The following PTPRN2 variants were observed in gnomAD, a reference collection of about 807,000 sequenced individuals.
PTPRN2 encodes receptor-type tyrosine-protein phosphatase N2.
Under a neutral mutation model 118.8 loss-of-function variants are expected in PTPRN2, and 74 were observed. That is an observed-to-expected ratio of 0.62 (90% CI 0.52 to 0.76). PTPRN2 has a LOEUF of 0.76. PTPRN2 is among the 30% of genes least tolerant of loss of function. The pLI is 0.00. For missense variants in PTPRN2, 1,481 were observed against 1,394.4 expected (o/e 1.06, Z -0.99); for synonymous variants, 641 against 608.0 (o/e 1.05, Z -0.80).
chr7:157,810,637 G>T (rs551686280), intron 12 of PTPRN2, among the ~76,000 whole-genome samples: 1 of 137,540 alleles, frequency 7.3e-6, no homozygotes, highest in African/African-American at 2.9e-5. Context: ...CATGGGGACG[G>T]GGACGGGAAC....
At chr7:158,376,660 C>T (rs1196946890) in intron 2 of PTPRN2, among the ~76,000 whole-genome samples, 3 of 72,592 alleles carry the variant, frequency 4.1e-5, no homozygotes, top group Non-Finnish European at 7.5e-5. Context: ...GTCCTGCATG[C>T]GGGGTCAGGG....
intron 3 of PTPRN2, among the ~76,000 whole-genome samples, chr7:158,263,784 A>G (rs543398791): frequency 6.6e-6 from 1 of 152,314 alleles, no homozygotes; most frequent in South Asian, 2.1e-4. Context: ...ACCTCCTGCC[A>G]GTTGTGGACA....
chr7:157,787,986 G>T lies in PTPRN2; in HGVS notation c.1789-105049C>A, dbSNP rs968878678. Among the ~76,000 whole-genome samples the T allele has an allele frequency of 6.6e-6, 1 of 152,220 alleles. No homozygotes were observed. The highest frequency in any genetic ancestry group is 2.4e-5 in the African/African-American group (1 of 41,450). Reference sequence around the variant, plus strand: ...GTCCCCTGGGAACCACGCAGCCGGGGCCTGGAGGCCGACACAAGCCAGACC... The same window carrying T: ...GTCCCCTGGGAACCACGCAGCCGGGTCCTGGAGGCCGACACAAGCCAGACC... On this transcript the variant is annotated intron_variant, in intron 12 of 22. Coordinates refer to ENST00000389418, the MANE Select transcript of PTPRN2 (RefSeq NM_002847.5). The surrounding 1 kb of genome is among the most constrained non-coding windows in gnomAD (Gnocchi z 5.3).
intron 12 of PTPRN2, among the ~76,000 whole-genome samples, chr7:157,741,413 C>T (rs10949662): frequency 0.29 from 44,851 of 152,098 alleles, 6,784 homozygotes; most frequent in Non-Finnish European, 0.34. Context: ...TGCTCTTAGT[C>T]CCCCACTGAA....
intron 13 of PTPRN2, among the ~76,000 whole-genome samples, chr7:157,661,500 C>T (rs1198470793): frequency 6.6e-6 from 1 of 152,240 alleles, no homozygotes; most frequent in South Asian, 2.1e-4. Context: ...CGGCGCTGCT[C>T]CGCTCTGAAC....
chr7:158,387,315 C>A (rs1307965459), intron 2 of PTPRN2, among the ~76,000 whole-genome samples: 2 of 152,172 alleles, frequency 1.3e-5, no homozygotes. Flanking sequence ...CATCTGCAAG[C>A]CAAATAGGTC....
At chr7:158,375,322 C>T (rs1810413790) in intron 2 of PTPRN2, among the ~76,000 whole-genome samples, 4 of 152,194 alleles carry the variant, frequency 2.6e-5, no homozygotes, top group African/African-American at 9.7e-5. Flanking sequence ...ACAGAGTACC[C>T]AGGACACAGG....
chr7:158,341,402 T>C (rs62493632), intron 2 of PTPRN2, among the ~76,000 whole-genome samples: 37 of 97,102 alleles, frequency 3.8e-4, no homozygotes, highest in African/African-American at 1.3e-3. Context: ...CCATAAGAGC[T>C]GTCGCCCGCA....
intron 12 of PTPRN2, among the ~76,000 whole-genome samples, chr7:157,846,792 G>A (rs550854483): frequency 8.0e-5 from 12 of 150,532 alleles, no homozygotes; most frequent in East Asian, 2.0e-4. Context: ...TCCATCATGC[G>A]TGCCCGATAT....
At chr7:157,815,375 C>T (rs1806330614) in intron 12 of PTPRN2, among the ~76,000 whole-genome samples, 1 of 152,180 alleles carries the variant, frequency 6.6e-6, no homozygotes, top group Admixed American at 6.5e-5. Flanking sequence ...GGCCTCCGCG[C>T]ATCAGTGTGG....
intron 21 of PTPRN2, among the ~76,000 whole-genome samples, chr7:157,552,842 C>T (rs1798700882): frequency 6.6e-6 from 1 of 152,180 alleles, no homozygotes; most frequent in Non-Finnish European, 1.5e-5. Flanking sequence ...GCTGGATGGG[C>T]CAGCCTCACC....
intron 12 of PTPRN2, among the ~76,000 whole-genome samples, chr7:157,858,077 A>AGCCACCACCCACACTCCTGCAGGGAGAG (rs1809873387): frequency 3.5e-5 from 3 of 85,290 alleles, no homozygotes; most frequent in Admixed American, 1.1e-4. Context: ...TGCAGGGAGA[A>AGCCACCACCCACACTCCTGCAGGGAGAG]CCCCGTCACC....
chr7:158,134,070 G>T lies in PTPRN2; in HGVS notation c.1174-11C>A. On this transcript the variant is annotated splice_polypyrimidine_tract_variant and intron_variant, in intron 8 of 22. Transcript: ENST00000389418. ...ACTCAGACGATGGACCTGACAGAGA[G>T]GACATTCCGTGAGGGACGTCTGCGA... The T allele has an allele frequency of 6.2e-7, 1 of 1,608,124 alleles. No individual in the cohort carries two copies. Among genetic ancestry groups the T allele is most frequent in the South Asian group, 1.1e-5 (1 of 90,678 alleles).
At chr7:158,207,439 ATTGACAAAT>A (rs1827244699) in intron 3 of PTPRN2, among the ~76,000 whole-genome samples, 1 of 152,304 alleles carries the variant, frequency 6.6e-6, no homozygotes, top group Non-Finnish European at 1.5e-5. Context: ...AAAAGACAAA[ATTGACAAAT>A]GGGATCTAAT....
intron 1 of PTPRN2, among the ~76,000 whole-genome samples, chr7:158,583,227 T>C (rs1177179585): frequency 6.6e-6 from 1 of 152,328 alleles, no homozygotes; most frequent in East Asian, 1.9e-4. Context: ...AAATGATCAG[T>C]GTTACCACAG....
intron 6 of PTPRN2, among the ~76,000 whole-genome samples, chr7:158,147,279 C>G (rs71544538): frequency 9.0e-6 from 1 of 111,516 alleles, no homozygotes; most frequent in Non-Finnish European, 1.9e-5. Flanking sequence ...TCTCACGCCA[C>G]GTGTCTTTCC....
rs549734377 is a variant in PTPRN2, at chr7:158,099,936, ATTTATT to A, written c.1643+10887_1643+10892del. 3.4e-3 allele frequency among the ~76,000 whole-genome samples: 492 copies of A among 143,208 alleles called. 2 individuals carry two copies. The highest frequency in any genetic ancestry group is 0.012 in the African/African-American group (465 of 38,094). The allele number at this position is 143,208 out of a possible 152,430, so 94.0% of individuals were successfully genotyped here. ...CATGAAATAAACTTATTCCTTCTTT[ATTTATT>A]TTTATTTTCCATAGGTTTTGGGAAC... On this transcript the variant is annotated intron_variant, in intron 10 of 22. Transcript: ENST00000389418.
chr7:158,319,012 C>A (rs910239218), intron 2 of PTPRN2, among the ~76,000 whole-genome samples: 5 of 152,224 alleles, frequency 3.3e-5, no homozygotes, highest in African/African-American at 1.2e-4. Flanking sequence ...CCAAGCAAAG[C>A]ATTTCTCAAG....
chr7:158,461,521 T>C (rs377523235), intron 2 of PTPRN2, among the ~76,000 whole-genome samples: 1 of 151,712 alleles, frequency 6.6e-6, no homozygotes, highest in Non-Finnish European at 1.5e-5. Flanking sequence ...TCTTACAGCA[T>C]AAAAACTGAA....
Sources: gnomAD v4.1 joint callset for allele counts (sites outside exome capture counted in the v4.1 genomes callset) on GRCh38, gnomAD v4.1.1 for gene constraint, Gnocchi (gnomAD v3.1) non-coding constraint, MANE v1.5 for transcripts, NCBI Gene and HGNC (gene_info 2026-07-23, HGNC 2026-07-21) for gene names.